Variants in CREBZF observed in about 807,000 individuals in gnomAD.
The protein encoded by CREBZF is CREB/ATF bZIP transcription factor.
Under a neutral mutation model 21.1 loss-of-function variants are expected in CREBZF, and 8 were observed. The ratio of observed to expected loss-of-function variants is 0.38; its 90% confidence interval spans 0.22 to 0.68. The LOEUF is 0.68. Among genes scored for constraint, CREBZF ranks in the 30% least tolerant of loss-of-function variants. CREBZF has a pLI of 0.51. For missense variants in CREBZF, 518 were observed against 484.3 expected (o/e 1.07, Z -0.65); for synonymous variants, 270 against 223.3 (o/e 1.21, Z -1.86).
intron 1 of CREBZF, among the ~76,000 whole-genome samples, chr11:85,672,621 G>T: frequency 6.6e-6 from 1 of 150,832 alleles, no homozygotes; most frequent in Non-Finnish European, 1.5e-5. Context: ...ACTTCCAGGT[G>T]GCTCATTCAC....
In CREBZF at chr11:85,663,934, C is replaced by A. The variant is rs1382796253; in HGVS notation, c.942G>T (p.Lys314Asn). Reference sequence around the variant, plus strand: ...AGTCGTCCTCTTCCAGCAGGTCCTGCTTCTGCTTTCCCACCGGCAGAGCGT... The same window carrying A: ...AGTCGTCCTCTTCCAGCAGGTCCTGATTCTGCTTTCCCACCGGCAGAGCGT... ...HDYALPVGKQ[K>N]QDLLEEDDSA... Residue 314 changes from lysine to asparagine, a missense_variant, in exon 1 of 1, where the codon AAG becomes AAT. By Grantham distance (94) the Lys-to-Asn change is moderately conservative. Transcript: ENST00000527447. The A allele has an allele frequency of 1.2e-6, 2 of 1,613,918 alleles. No individual in the cohort carries two copies. Among genetic ancestry groups the A allele is most frequent in the Non-Finnish European group, 1.7e-6 (2 of 1,180,026 alleles).
Position 85,662,282 on chromosome 11 carries a change from C to G in CREBZF, c.*1529G>C. 1.6e-6 allele frequency: 1 copy of G among 622,470 alleles called. No homozygotes were observed. Among genetic ancestry groups the G allele is most frequent in the Non-Finnish European group, 3.0e-6 (1 of 335,622 alleles). 38.6% of individuals were successfully genotyped at this position (622,470 alleles called of 1,614,324 possible). On this transcript the variant is annotated 3_prime_UTR_variant, in exon 1 of 1. Coordinates refer to ENST00000527447, the MANE Select transcript of CREBZF (RefSeq NM_001039618.4). ...ATAAAACATTTTATGTGTAAGATAACTTACATCTTTGGACTGCTGGAAAAT... is the reference window on the plus strand; with the variant it reads ...ATAAAACATTTTATGTGTAAGATAAGTTACATCTTTGGACTGCTGGAAAAT...
rs1313607903 is a variant in CREBZF, at chr11:85,659,534, GAAT to G, written c.*4274_*4276del. Among the ~76,000 whole-genome samples, 1 of 151,966 alleles carries G rather than the reference GAAT, an allele frequency of 6.6e-6. No homozygotes were observed. The highest frequency in any genetic ancestry group is 1.5e-5 in the Non-Finnish European group (1 of 67,908). On this transcript the variant is annotated 3_prime_UTR_variant, in exon 1 of 1. Coordinates refer to ENST00000527447, the MANE Select transcript of CREBZF (RefSeq NM_001039618.4). Reference sequence around the variant, plus strand: ...AAACTGAATGGATTTAATAAGTTTTGAATAATACAATAACCAACTGTATATTTA... The same window carrying G: ...AAACTGAATGGATTTAATAAGTTTTGAATACAATAACCAACTGTATATTTA...
intron 1 of CREBZF, among the ~76,000 whole-genome samples, chr11:85,682,043 T>C (rs1200659151): frequency 6.6e-6 from 1 of 151,964 alleles, no homozygotes; most frequent in East Asian, 1.9e-4. Flanking sequence ...GAACAAAAAA[T>C]AAAATATGGG....
chr11:85,671,639 T>G (rs548624888), intron 1 of CREBZF, among the ~76,000 whole-genome samples: 1 of 152,346 alleles, frequency 6.6e-6, no homozygotes, highest in East Asian at 1.9e-4. Context: ...ACAGGCCCCA[T>G]GCAAGTCCAT....
At position 85,662,358 on chromosome 11, in the gene CREBZF, A is replaced by G. The variant is rs1358630241; in HGVS notation, c.*1453T>C. 5 of 714,496 alleles carry G rather than the reference A, an allele frequency of 7.0e-6. No homozygotes were observed. In the East Asian group the frequency reaches 1.1e-4, roughly 15 times the overall value. The allele number at this position is 714,496 out of a possible 1,614,324, so 44.3% of individuals were successfully genotyped here. A position where few individuals can be genotyped will look rare whatever the true frequency, so the allele number is the denominator to read the frequency against. ...AATAAAAAACAGCAGAAGCCCTGAT[A>G]TTACCTCTTTTTCCTCATTTCTTAT... is the stretch of plus-strand genomic sequence containing the variant. On this transcript the variant is annotated 3_prime_UTR_variant, in exon 1 of 1. Transcript: ENST00000527447.
In CREBZF at chr11:85,664,864, G is replaced by A. The variant is rs916296539; in HGVS notation, c.12C>T (p.Ser4=). MRH[S]LTKLLAASGS... is the part of the protein sequence containing the mutation. ...CCGAGGCTGCCAGCAGCTTGGTCAG[G>A]CTATGCCTCATGAGGGCCAGCGGCG... Residue 4 remains serine (S), a synonymous_variant, in exon 1 of 1, where the codon AGC becomes AGT. Coordinates refer to ENST00000527447, the MANE Select transcript of CREBZF (RefSeq NM_001039618.4). The surrounding 1 kb of genome is among the most constrained non-coding windows in gnomAD (Gnocchi z 5.5). 7.3e-6 allele frequency: 11 copies of A among 1,501,078 alleles called. No homozygotes were observed. The highest frequency in any genetic ancestry group is 8.8e-6 in the Non-Finnish European group (10 of 1,130,066). The allele number at this position is 1,501,078 out of a possible 1,614,324, so 93.0% of individuals were successfully genotyped here.
chr11:85,664,840 C>A lies in CREBZF; in HGVS notation c.36G>T (p.Ser12=). 4 of 1,529,632 alleles carry A rather than the reference C, an allele frequency of 2.6e-6. No homozygotes were observed. The highest frequency in any genetic ancestry group is 3.5e-6 in the Non-Finnish European group (4 of 1,143,848). 94.8% of individuals were successfully genotyped at this position (1,529,632 alleles called of 1,614,324 possible). The change falls in exon 1 of 1, where the codon TCG becomes TCT. Residue 12 remains serine, a synonymous_variant. Transcript: ENST00000527447. The surrounding 1 kb of genome is among the most constrained non-coding windows in gnomAD (Gnocchi z 5.5). ...CACTGCGGGTTGGGGAGTTGCTGCC[C>A]GAGGCTGCCAGCAGCTTGGTCAGGC... The part of the protein sequence containing the change: ...RHSLTKLLAA[S]GSNSPTRSES...
At chr11:85,673,321 G>A (rs920256969) in intron 1 of CREBZF, among the ~76,000 whole-genome samples, 67 of 152,234 alleles carry the variant, frequency 4.4e-4, no homozygotes, top group East Asian at 5.8e-4. Flanking sequence ...GGCATACCTC[G>A]GAGATACTGC....
chr11:85,667,966 T>TAAA (rs10632068), upstream of CREBZF, among the ~76,000 whole-genome samples: 2,856 of 146,792 alleles, frequency 0.019, 38 homozygotes, highest in South Asian at 0.046. Context: ...TAAGACTATG[T>TAAA]AAAAAAAAAA....
At chr11:85,679,660 C>T (rs542138919) in intron 1 of CREBZF, among the ~76,000 whole-genome samples, 2 of 152,316 alleles carry the variant, frequency 1.3e-5, no homozygotes, top group East Asian at 3.9e-4. Flanking sequence ...ACATCCAAAC[C>T]TCTAGGAGAG....
In CREBZF at chr11:85,658,052, TG is replaced by T. The variant is rs574638027; in HGVS notation, c.*5758del. Among the ~76,000 whole-genome samples, 3 of 152,154 alleles carry T rather than the reference TG, an allele frequency of 2.0e-5. No individual in the cohort carries two copies. The East Asian group carries it at 5.8e-4, about 29-fold the overall frequency. On this transcript the variant is annotated 3_prime_UTR_variant, in exon 1 of 1. Coordinates refer to ENST00000527447, the MANE Select transcript of CREBZF (RefSeq NM_001039618.4). ...GCTAAAATATCAAGATGAAAAGCTC[TG>T]ATCCCAAATCATCCATTTTACCTAT...
chr11:85,679,921 C>A (rs971079722), intron 1 of CREBZF, among the ~76,000 whole-genome samples: 10 of 152,116 alleles, frequency 6.6e-5, no homozygotes, highest in African/African-American at 2.4e-4. Context: ...GTGGAAGATT[C>A]TTTTATTTTT....
chr11:85,677,526 G>A (rs1314581330), intron 1 of CREBZF, among the ~76,000 whole-genome samples: 2 of 152,038 alleles, frequency 1.3e-5, no homozygotes. Context: ...CCTATTGAAT[G>A]TCCCATATTC....
At position 85,659,314 on chromosome 11, in the gene CREBZF, G is replaced by A. The variant is rs56401259; in HGVS notation, c.*4497C>T. Among the ~76,000 whole-genome samples the A allele has an allele frequency of 0.067, 10,131 of 151,926 alleles. 1,094 individuals carry two copies. The highest frequency in any genetic ancestry group is 0.23 in the African/African-American group (9,625 of 41,432). ...AACTAGATAATCACATATTAAAAAG[G>A]TAATGACTCATTATCAGTGAATTAC... On this transcript the variant is annotated 3_prime_UTR_variant, in exon 1 of 1. Coordinates refer to ENST00000527447, the MANE Select transcript of CREBZF (RefSeq NM_001039618.4).
Position 85,658,407 on chromosome 11 carries a change from A to G in CREBZF, c.*5404T>C, listed in dbSNP as rs2082578042. The stretch of plus-strand genomic sequence containing the variant: ...GTCCTCTGCCACATATTTTTAAATT[A>G]TCTTTTCCATTAGCAGAAATGGGCA... On this transcript the variant is annotated 3_prime_UTR_variant, in exon 1 of 1. Coordinates refer to ENST00000527447, the MANE Select transcript of CREBZF (RefSeq NM_001039618.4). Among the ~76,000 whole-genome samples the G allele has an allele frequency of 6.6e-6, 1 of 152,078 alleles. No homozygotes were observed. The highest frequency in any genetic ancestry group is 1.5e-5 in the Non-Finnish European group (1 of 67,902).
At chr11:85,681,266 T>C (rs531860867) in intron 1 of CREBZF, among the ~76,000 whole-genome samples, 1 of 152,240 alleles carries the variant, frequency 6.6e-6, no homozygotes, top group South Asian at 2.1e-4. Flanking sequence ...AGCTACCTCA[T>C]GGGTATCTGG....
intron 1 of CREBZF, among the ~76,000 whole-genome samples, chr11:85,670,537 C>T (rs370587852): frequency 3.3e-5 from 5 of 151,874 alleles, no homozygotes; most frequent in Non-Finnish European, 4.4e-5. Flanking sequence ...CTCCTGACCT[C>T]GTGATCCACC....
chr11:85,682,696 C>T lies in CREBZF; in HGVS notation n.147+21G>A. On this transcript the variant is annotated intron_variant and non_coding_transcript_variant, in intron 1 of 3. Transcript: ENST00000531515. ...CCCCTTGTAGACCACACTCCAGTACCCGGAATTCCGGGATTCATACCCAAA... is the reference window on the plus strand; with the variant it reads ...CCCCTTGTAGACCACACTCCAGTACTCGGAATTCCGGGATTCATACCCAAA... 3 of 671,492 alleles carry T rather than the reference C, an allele frequency of 4.5e-6. No individual in the cohort carries two copies. In the Admixed American group the frequency reaches 6.3e-5, roughly 14 times the overall value. The allele number at this position is 671,492 out of a possible 1,614,324, so 41.6% of individuals were successfully genotyped here. A position where few individuals can be genotyped will look rare whatever the true frequency, so the allele number is the denominator to read the frequency against.
Sources: allele counts gnomAD v4.1 joint callset (sites outside exome capture counted in the v4.1 genomes callset), GRCh38; gene constraint gnomAD v4.1.1; non-coding constraint Gnocchi (gnomAD v3.1); transcripts MANE v1.5; gene names NCBI Gene and HGNC (gene_info 2026-07-23, HGNC 2026-07-21).